Variants in IRAK3 observed in about 807,000 individuals in gnomAD.
The protein encoded by IRAK3 is interleukin-1 receptor-associated kinase 3.
Under a neutral mutation model 56.6 loss-of-function variants are expected in IRAK3, and 57 were observed. That is an observed-to-expected ratio of 1.01 (90% CI 0.81 to 1.26). The LOEUF (loss-of-function observed/expected upper bound fraction) is 1.26, where lower values mean the gene tolerates loss of function less well. Among genes scored for constraint, IRAK3 ranks in the 50% most tolerant of loss-of-function variants. The pLI is 0.00. For synonymous variants in IRAK3, 258 were observed against 255.7 expected (o/e 1.01, Z -0.09); for missense variants, 703 against 719.0 (o/e 0.98, Z 0.25).
At chr12:66,190,055 A>G (rs1455120849) in intron 1 of IRAK3, among the ~76,000 whole-genome samples, 1 of 152,256 alleles carries the variant, frequency 6.6e-6, no homozygotes, top group Non-Finnish European at 1.5e-5. Flanking sequence ...AAGTTGAGCA[A>G]CTGCCTGCTG....
chr12:66,242,067 CT>C (rs1298486910), intron 8 of IRAK3, among the ~76,000 whole-genome samples: 1 of 151,946 alleles, frequency 6.6e-6, no homozygotes, highest in Non-Finnish European at 1.5e-5. Context: ...AATTCTATGC[CT>C]TTTTTTAGAG....
At chr12:66,241,149 ACT>A (rs1160394354) in intron 8 of IRAK3, among the ~76,000 whole-genome samples, 1 of 152,164 alleles carries the variant, frequency 6.6e-6, no homozygotes, top group African/African-American at 2.4e-5. Flanking sequence ...CAGGTTACAA[ACT>A]CATCATCTGT....
chr12:66,227,473 G>A (rs891908917), intron 7 of IRAK3, among the ~76,000 whole-genome samples: 2 of 152,120 alleles, frequency 1.3e-5, no homozygotes, highest in African/African-American at 4.8e-5. Context: ...CAGCTAATCA[G>A]GAGGCTGAGG....
chr12:66,234,386 C>T (rs1174657711), intron 8 of IRAK3: 4 of 1,611,816 alleles, frequency 2.5e-6, no homozygotes. Context: ...CCAAGAAGGA[C>T]TTTGCACCTG....
intron 7 of IRAK3, among the ~76,000 whole-genome samples, 176 bp from the exon 8 acceptor site, chr12:66,228,076 T>C (rs1014511834): frequency 3.3e-5 from 5 of 152,204 alleles, no homozygotes; most frequent in African/African-American, 9.7e-5. Context: ...CTGTCATCAG[T>C]AGCAGAAGGA....
At chr12:66,225,392 T>TAC (rs1047205422) in intron 6 of IRAK3, among the ~76,000 whole-genome samples, 20 of 151,096 alleles carry the variant, frequency 1.3e-4, no homozygotes, top group Middle Eastern at 3.4e-3. Context: ...TATGTATACA[T>TAC]ACACACACAC....
intron 8 of IRAK3, among the ~76,000 whole-genome samples, chr12:66,242,843 G>A: frequency 6.6e-6 from 1 of 152,224 alleles, no homozygotes; most frequent in East Asian, 1.9e-4. Context: ...GGAGGCCGAG[G>A]CGGGTGGATC....
chr12:66,235,105 G>T (rs571015267), intron 8 of IRAK3: 712 of 1,613,130 alleles, frequency 4.4e-4, no homozygotes, highest in Non-Finnish European at 5.4e-4. Context: ...GGATATAGAG[G>T]TTCGTTTTGC....
intron 5 of IRAK3, among the ~76,000 whole-genome samples, chr12:66,211,923 C>G (rs1175056694): frequency 6.6e-6 from 1 of 152,090 alleles, no homozygotes; most frequent in Non-Finnish European, 1.5e-5. Context: ...CCAGCCTGAT[C>G]AACAGGGTGA....
chr12:66,210,781 G>T (rs2052603625), intron 4 of IRAK3, among the ~76,000 whole-genome samples: 1 of 152,136 alleles, frequency 6.6e-6, no homozygotes, highest in African/African-American at 2.4e-5. Context: ...ATAAGGCTTT[G>T]GTTCTTCAAC....
At chr12:66,210,014 G>T (rs1382270577) in intron 3 of IRAK3, 133 bp from the exon 4 acceptor site, 1 of 630,558 alleles carries the variant, frequency 1.6e-6, no homozygotes, top group African/African-American at 1.9e-5. Flanking sequence ...TTTGATTTCT[G>T]CTAGCTTTCT....
intron 11 of IRAK3, among the ~76,000 whole-genome samples, chr12:66,247,463 C>G (rs1205302580): frequency 2.0e-5 from 3 of 152,110 alleles, no homozygotes; most frequent in Non-Finnish European, 4.4e-5. Flanking sequence ...TAAGTCAGGT[C>G]TCTTGGTATT....
rs527264595 is a variant in IRAK3 at position 66,223,067 on chromosome 12, T to G, written c.654-3656T>G. ...GTCACAAGGTGCTCAGTGGGGGAGC[T>G]TTTTGAGCCAGGATGAGCCAGGAGA... is the stretch of plus-strand genomic sequence containing the variant. On this transcript the variant is annotated intron_variant, in intron 6 of 11. Coordinates refer to ENST00000261233, the MANE Select transcript of IRAK3 (RefSeq NM_007199.3). 6.9e-3 allele frequency among the ~76,000 whole-genome samples: 1,053 copies of G among 152,052 alleles called. 26 individuals carry two copies. Among genetic ancestry groups the G allele is most frequent in the African/African-American group, 0.025 (1,016 of 41,440 alleles).
In IRAK3 at chr12:66,217,385, T is replaced by C. The variant is rs1302341232; in HGVS notation, c.653+150T>C. 3 of 747,786 alleles carry C rather than the reference T, an allele frequency of 4.0e-6. No homozygotes were observed. In the East Asian group the frequency reaches 7.3e-5, roughly 18 times the overall value. 46.3% of individuals were successfully genotyped at this position (747,786 alleles called of 1,614,324 possible). On this transcript the variant is annotated intron_variant, in intron 6 of 11. Coordinates refer to ENST00000261233, the MANE Select transcript of IRAK3 (RefSeq NM_007199.3). ...GAATAAATTTTGATATCTGCTTTAG[T>C]ATATTCCTTAAAGTACATTTTAAAA...
At chr12:66,243,566 T>A (rs1382677930) in intron 8 of IRAK3, among the ~76,000 whole-genome samples, 1 of 151,898 alleles carries the variant, frequency 6.6e-6, no homozygotes, top group Non-Finnish European at 1.5e-5. Context: ...TCTCTTAGAA[T>A]TGATTACTAA....
chr12:66,237,265 G>A (rs2052918138), intron 8 of IRAK3, among the ~76,000 whole-genome samples: 1 of 152,242 alleles, frequency 6.6e-6, no homozygotes, highest in East Asian at 1.9e-4. Context: ...CCCCCACAAT[G>A]TGAGAAAAGT....
In IRAK3 at chr12:66,254,065, GGAATT is replaced by G. The variant is rs2053129095; in HGVS notation, c.*5895_*5899del. On this transcript the variant is annotated 3_prime_UTR_variant, in exon 12 of 12. Transcript: ENST00000261233. Reference sequence around the variant, plus strand: ...CAAAGATAAAGCAATTGACAAAAATGGAATTCTTGTTCAATACTGGCAGGAGTGAA... The same window carrying G: ...CAAAGATAAAGCAATTGACAAAAATGCTTGTTCAATACTGGCAGGAGTGAA... 6.6e-6 allele frequency: 1 copy of G among 152,114 alleles called. No homozygotes were observed. The highest frequency in any genetic ancestry group is 2.4e-5 in the African/African-American group (1 of 41,428). 9.4% of individuals were successfully genotyped at this position (152,114 alleles called of 1,614,324 possible).
At chr12:66,235,531 C>T (rs1021323976) in intron 8 of IRAK3, among the ~76,000 whole-genome samples, 2 of 151,934 alleles carry the variant, frequency 1.3e-5, no homozygotes, top group Non-Finnish European at 2.9e-5. Flanking sequence ...GCAGCCGCCG[C>T]TCTGCGTGCC....
chr12:66,239,619 C>T (rs1274502484), intron 8 of IRAK3, among the ~76,000 whole-genome samples: 4 of 152,090 alleles, frequency 2.6e-5, no homozygotes, highest in African/African-American at 9.7e-5. Context: ...CTCATAACCC[C>T]CTCAAAAAGC....
Sources: allele counts gnomAD v4.1 joint callset (sites outside exome capture counted in the v4.1 genomes callset), GRCh38; gene constraint gnomAD v4.1.1; transcripts MANE v1.5; gene names NCBI Gene and HGNC (gene_info 2026-07-23, HGNC 2026-07-21).